Variants in DOCK8 observed in about 807,000 individuals in gnomAD.
DOCK8 encodes the protein dedicator of cytokinesis 8.
In DOCK8, 141 loss-of-function variants were observed where a neutral mutation model predicts 245.6. That is an observed-to-expected ratio of 0.57 (90% CI 0.50 to 0.66). The LOEUF (loss-of-function observed/expected upper bound fraction) is 0.66, where lower values mean the gene tolerates loss of function less well. Ranked by LOEUF, DOCK8 falls within the 30% of genes least tolerant of loss-of-function variation. The pLI is 0.00. For missense variants in DOCK8, 2,965 were observed against 2,603.4 expected, an observed-to-expected ratio of 1.14 and a Z score of -3.02; for synonymous variants, 1,168 against 970.2, an observed-to-expected ratio of 1.20 and a Z score of -3.79.
At chr9:407,141 A>C in intron 28 of DOCK8, 72 bp downstream of exon 28, 1 of 1,597,680 alleles carries the variant, frequency 6.3e-7, no homozygotes, top group South Asian at 1.1e-5. Context: ...TTTGCAGTCT[A>C]GCTTCTCACA....
chr9:389,850 A>C (rs560483789), intron 23 of DOCK8, among the ~76,000 whole-genome samples: 1 of 149,948 alleles, frequency 6.7e-6, no homozygotes, highest in African/African-American at 2.5e-5. Context: ...CCCCATCTCT[A>C]CCAAAAAAAA....
chr9:234,394 G>A (rs2131384311), intron 1 of DOCK8, among the ~76,000 whole-genome samples: 1 of 152,262 alleles, frequency 6.6e-6, no homozygotes, highest in East Asian at 1.9e-4. Context: ...CTTTTCTCAA[G>A]GAGTATCTTT....
At chr9:261,101 A>AC (rs1428311305) in intron 1 of DOCK8, among the ~76,000 whole-genome samples, 107 of 152,148 alleles carry the variant, frequency 7.0e-4, no homozygotes, top group African/African-American at 2.5e-3. Flanking sequence ...AAAAAAAAAA[A>AC]AGAAATTATT....
At chr9:337,203 G>C (rs1279180336) in intron 12 of DOCK8, among the ~76,000 whole-genome samples, 1 of 152,132 alleles carries the variant, frequency 6.6e-6, no homozygotes, top group African/African-American at 2.4e-5. Context: ...GCTTCACCAT[G>C]AGTTTTGAAG....
intron 1 of DOCK8, among the ~76,000 whole-genome samples, chr9:263,496 A>G (rs2047968232): frequency 6.6e-6 from 1 of 152,086 alleles, no homozygotes; most frequent in African/African-American, 2.4e-5. Flanking sequence ...TTATATTTAT[A>G]TTGCACAGTC....
chr9:411,097 C>T (rs932147819), intron 28 of DOCK8, among the ~76,000 whole-genome samples: 2 of 152,166 alleles, frequency 1.3e-5, no homozygotes, highest in Admixed American at 1.3e-4. Context: ...TTCCCACATA[C>T]ACCTACTATG....
chr9:463,222 C>T (rs531747167), intron 46 of DOCK8, among the ~76,000 whole-genome samples: 12 of 151,954 alleles, frequency 7.9e-5, no homozygotes, highest in Admixed American at 2.0e-4. Flanking sequence ...CATGCCACTG[C>T]ACTCCAGCCT....
At chr9:355,192 CTTTTTTTTTTTT>C (rs749045514) in intron 14 of DOCK8, among the ~76,000 whole-genome samples, 3 of 121,106 alleles carry the variant, frequency 2.5e-5, no homozygotes, top group South Asian at 2.5e-4. Context: ...TGTTTCTTTT[CTTTTTTTTTTTT>C]TTTTTTTTTT....
At chr9:443,342 C>G (rs914136268) in intron 42 of DOCK8, 85 bp from the exon 43 acceptor site, 39 of 1,329,588 alleles carry the variant, frequency 2.9e-5, no homozygotes, top group African/African-American at 1.3e-4. Context: ...CTTGCACTTG[C>G]TCCAAACTTA....
chr9:370,308 T>C lies in DOCK8; in HGVS notation c.1868+8T>C, dbSNP rs1424226517. 1 of 1,612,590 alleles carries C rather than the reference T, an allele frequency of 6.2e-7. No individual in the cohort carries two copies. The highest frequency in any genetic ancestry group is 8.5e-7 in the Non-Finnish European group (1 of 1,178,658). ...TGTTACATACCATAATAAGTAAGTC[T>C]ATTTCAGCATTCTAAATATATGCCA... is the stretch of plus-strand genomic sequence containing the variant. On this transcript the variant is annotated splice_region_variant and intron_variant, in intron 16 of 47. Transcript: ENST00000432829.
intron 40 of DOCK8, 62 bp from the exon 41 acceptor site, chr9:441,224 G>T (rs2057084301): frequency 1.2e-6 from 2 of 1,606,796 alleles, no homozygotes; most frequent in Non-Finnish European, 8.5e-7. Context: ...ATGACCTCTG[G>T]TTGCTCTTCT....
chr9:432,311 C>G lies in DOCK8; in HGVS notation c.4772C>G (p.Pro1591Arg). 1 of 1,613,968 alleles carries G rather than the reference C, an allele frequency of 6.2e-7. No homozygotes were observed. The highest frequency in any genetic ancestry group is 1.3e-5 in the African/African-American group (1 of 74,978). Residue 1591 changes from proline (P) to arginine (R), a missense_variant, in exon 37 of 48, where the codon CCT becomes CGT. Physicochemically the swap from Pro to Arg is moderately radical, Grantham distance 103. Around this residue, in one of 3 missense-constraint regions of DOCK8, gnomAD observed 2,825 missense variants for 2,453.5 expected, o/e 1.15. Transcript: ENST00000432829. ...GAGGACACAGCCATGCAGATGACTC[C>G]TTTTCCCACCCAGGTACACCGAAGC... ...SEEDTAMQMT[P>R]FPTQVEELLC...
intron 5 of DOCK8, among the ~76,000 whole-genome samples, chr9:308,684 G>A (rs2049958103): frequency 6.6e-6 from 1 of 152,140 alleles, no homozygotes; most frequent in Non-Finnish European, 1.5e-5. Context: ...TAGAGACAGA[G>A]TCTTGCTCTG....
At chr9:435,268 G>A (rs1470675641) in intron 39 of DOCK8, among the ~76,000 whole-genome samples, 5 of 152,174 alleles carry the variant, frequency 3.3e-5, no homozygotes, top group East Asian at 1.9e-4. Context: ...CTTTCCCATC[G>A]TCGTTGGGTT....
At chr9:379,561 G>C (rs902579849) in intron 20 of DOCK8, among the ~76,000 whole-genome samples, 4 of 152,138 alleles carry the variant, frequency 2.6e-5, no homozygotes, top group African/African-American at 9.7e-5. Flanking sequence ...CTATTCAGTG[G>C]CAGGAGGAGG....
At chr9:455,849 A>C (rs573507086) in intron 46 of DOCK8, among the ~76,000 whole-genome samples, 13 of 144,210 alleles carry the variant, frequency 9.0e-5, no homozygotes, top group African/African-American at 3.3e-4. Flanking sequence ...TTATGTGAGA[A>C]CAAAAAAAAA....
At chr9:443,648 T>C in intron 43 of DOCK8, 132 bp downstream of exon 43, 1 of 698,508 alleles carries the variant, frequency 1.4e-6, no homozygotes, top group African/African-American at 1.8e-5. Flanking sequence ...TCGTCTAGAG[T>C]TCAACTACTA....
chr9:289,907 ATATGCCTTTACAGTATCATACAGAATTGT>A (rs1370455159), intron 4 of DOCK8, among the ~76,000 whole-genome samples: 1 of 152,218 alleles, frequency 6.6e-6, no homozygotes, highest in Non-Finnish European at 1.5e-5. Context: ...AATGACATGT[ATATGCCTTTACAGTATCATACAGAATTGT>A]TTCACTGCCC....
chr9:344,830 CTGAG>C (rs1563945608), intron 14 of DOCK8, among the ~76,000 whole-genome samples: 26 of 152,076 alleles, frequency 1.7e-4, no homozygotes, highest in African/African-American at 6.0e-4. Context: ...GGTGAATCAC[CTGAG>C]TGAGGTCAAG....
Sources: allele counts gnomAD v4.1 joint callset (sites outside exome capture counted in the v4.1 genomes callset), GRCh38; gene constraint gnomAD v4.1.1; regional missense constraint gnomAD v4.1.1; transcripts MANE v1.5; gene names NCBI Gene and HGNC (gene_info 2026-07-23, HGNC 2026-07-21).